Variants in FGF12 observed in about 807,000 individuals in gnomAD.
The protein encoded by FGF12 is fibroblast growth factor 12B.
In FGF12, 14 loss-of-function variants were observed where a neutral mutation model predicts 23.6. The observed-to-expected ratio is 0.59, with a 90% CI of 0.39 to 0.93. The LOEUF is 0.93. Ranked by LOEUF, FGF12 falls within the 40% of genes least tolerant of loss-of-function variation. The probability of loss-of-function intolerance (pLI) is 0.00; values close to 1 mark genes in which losing one functional copy is unlikely to be tolerated. For synonymous variants in FGF12, 62 were observed against 77.3 expected, an observed-to-expected ratio of 0.80 and a Z score of 1.04; for missense variants, 175 against 217.8, an observed-to-expected ratio of 0.80 and a Z score of 1.24.
chr3:192,233,343 A>C (rs1719122051), intron 4 of FGF12, among the ~76,000 whole-genome samples: 1 of 152,136 alleles, frequency 6.6e-6, no homozygotes, highest in Non-Finnish European at 1.5e-5. Flanking sequence ...GGCCATGTGA[A>C]TGTCTTCTTT....
intron 2 of FGF12, among the ~76,000 whole-genome samples, chr3:192,582,637 G>T (rs1161939987): frequency 1.3e-5 from 2 of 151,946 alleles, no homozygotes; most frequent in East Asian, 1.9e-4. Flanking sequence ...CAGTCCTGGT[G>T]GTTGGTGATT....
chr3:192,580,068 A>C (rs193218214), intron 2 of FGF12, among the ~76,000 whole-genome samples: 1 of 152,336 alleles, frequency 6.6e-6, no homozygotes, highest in East Asian at 1.9e-4. Context: ...GGAGGGAGGC[A>C]GACTAGGGTC....
In FGF12 at chr3:192,561,725, T is replaced by C. The variant is rs141519213; in HGVS notation, c.13+165456A>G. On this transcript the variant is annotated intron_variant, in intron 2 of 5. Transcript: ENST00000445105. ...TCTCATACATTGGGAGTGTACTATG[T>C]TACAAACGATTAGAAAATAATACTT... Among the ~76,000 whole-genome samples, 22 of 152,260 alleles carry C rather than the reference T, an allele frequency of 1.4e-4. 1 individual carries two copies. Among genetic ancestry groups the C allele is most frequent in the Middle Eastern group, 6.8e-3 (2 of 294 alleles).
intron 4 of FGF12, among the ~76,000 whole-genome samples, chr3:192,208,524 T>G (rs1391296572): frequency 6.6e-6 from 1 of 152,204 alleles, no homozygotes; most frequent in Non-Finnish European, 1.5e-5. Flanking sequence ...ATGTTGTAAT[T>G]TGGATATTTT....
intron 2 of FGF12, among the ~76,000 whole-genome samples, chr3:192,533,140 T>C (rs750925180): frequency 6.6e-6 from 1 of 152,216 alleles, no homozygotes; most frequent in Non-Finnish European, 1.5e-5. Flanking sequence ...TCACTTCTTC[T>C]TCAAAAGTGT....
At chr3:192,675,807 C>T (rs1212303155) in intron 2 of FGF12, among the ~76,000 whole-genome samples, 4 of 152,228 alleles carry the variant, frequency 2.6e-5, no homozygotes, top group Non-Finnish European at 4.4e-5. Flanking sequence ...ATGTGCTTCA[C>T]GAGGCACTCA....
Position 192,726,890 on chromosome 3 carries a change from A to ACCT in FGF12, c.13+288_13+290dup, listed in dbSNP as rs201014905. 421 of 498,016 alleles carry ACCT rather than the reference A, an allele frequency of 8.5e-4. 2 individuals carry two copies. The highest frequency in any genetic ancestry group is 7.0e-3 in the African/African-American group (367 of 52,340). The allele number at this position is 498,016 out of a possible 1,614,324, so 30.8% of individuals were successfully genotyped here. On this transcript the variant is annotated intron_variant, in intron 2 of 5. Transcript: ENST00000445105. ...AAAAGATATTGCTTTACTAACACAT[A>ACCT]CCTCCTCCTCCTCCTCCATTTTGGG...
intron 5 of FGF12, among the ~76,000 whole-genome samples, chr3:192,161,983 A>G (rs1714908401): frequency 6.6e-6 from 1 of 152,158 alleles, no homozygotes; most frequent in South Asian, 2.1e-4. Flanking sequence ...TCTGTTTTTA[A>G]TAAAACTAAA....
chr3:192,712,742 T>C (rs1010564526), intron 2 of FGF12, among the ~76,000 whole-genome samples: 1 of 151,542 alleles, frequency 6.6e-6, no homozygotes, highest in African/African-American at 2.4e-5. Context: ...CTTTTTTTTT[T>C]AGGAAGCTGT....
chr3:192,167,955 C>T (rs1041934332), intron 5 of FGF12, among the ~76,000 whole-genome samples: 9 of 150,868 alleles, frequency 6.0e-5, no homozygotes, highest in South Asian at 2.1e-4. Flanking sequence ...TTAGTAGAGA[C>T]GGGGTTTCAC....
intron 4 of FGF12, among the ~76,000 whole-genome samples, chr3:192,244,310 A>T (rs2108598175): frequency 6.6e-6 from 1 of 152,248 alleles, no homozygotes; most frequent in Non-Finnish European, 1.5e-5. Flanking sequence ...TATGGGACTG[A>T]TGAAATCACG....
intron 4 of FGF12, among the ~76,000 whole-genome samples, chr3:192,259,393 C>T (rs190571787): frequency 1.7e-4 from 26 of 151,946 alleles, no homozygotes; most frequent in African/African-American, 3.9e-4. Context: ...ACTTTCTATA[C>T]GTAAAAATGT....
intron 2 of FGF12, among the ~76,000 whole-genome samples, chr3:192,597,907 G>A (rs1173881794): frequency 6.6e-6 from 1 of 152,230 alleles, no homozygotes; most frequent in East Asian, 1.9e-4. Flanking sequence ...CATACCTGGA[G>A]TATCAAAATT....
At chr3:192,722,971 C>G (rs918965943) in intron 2 of FGF12, among the ~76,000 whole-genome samples, 1 of 152,048 alleles carries the variant, frequency 6.6e-6, no homozygotes, top group African/African-American at 2.4e-5. Flanking sequence ...GTAAGAAACG[C>G]AGTATGTGAG....
chr3:192,300,153 C>T (rs1715260005), intron 4 of FGF12, among the ~76,000 whole-genome samples: 1 of 152,194 alleles, frequency 6.6e-6, no homozygotes, highest in Non-Finnish European at 1.5e-5. Flanking sequence ...ACTGGTATCG[C>T]TGCTAATAGC....
intron 2 of FGF12, among the ~76,000 whole-genome samples, chr3:192,669,935 G>A (rs149032419): frequency 6.6e-6 from 1 of 152,270 alleles, no homozygotes. Context: ...ATGTGAAAGA[G>A]CATAAAGAGT....
chr3:192,685,823 T>A (rs1717712053), intron 2 of FGF12, among the ~76,000 whole-genome samples: 1 of 152,228 alleles, frequency 6.6e-6, no homozygotes, highest in Non-Finnish European at 1.5e-5. Flanking sequence ...TTTTGAATCC[T>A]GACAATAGTA....
chr3:192,687,840 C>T (rs1168930909), intron 2 of FGF12, among the ~76,000 whole-genome samples: 5 of 152,188 alleles, frequency 3.3e-5, no homozygotes, highest in African/African-American at 1.2e-4. Flanking sequence ...CTGACACCTG[C>T]CATCATGCAT....
intron 2 of FGF12, among the ~76,000 whole-genome samples, chr3:192,421,752 T>C (rs1325635873): frequency 6.6e-6 from 1 of 151,918 alleles, no homozygotes; most frequent in Non-Finnish European, 1.5e-5. Flanking sequence ...CAAACCACCA[T>C]GGCATGTGTA....
Sources: gnomAD v4.1 joint callset for allele counts (sites outside exome capture counted in the v4.1 genomes callset) on GRCh38, gnomAD v4.1.1 for gene constraint, MANE v1.5 for transcripts, NCBI Gene and HGNC (gene_info 2026-07-23, HGNC 2026-07-21) for gene names.